The following KCNH1 variants were observed in gnomAD, a reference collection of about 807,000 sequenced individuals.
The protein encoded by KCNH1 is voltage-gated delayed rectifier potassium channel KCNH1.
A neutral mutation model predicts 69.2 loss-of-function variants in KCNH1; 27 were observed. The ratio of observed to expected loss-of-function variants is 0.39; its 90% confidence interval spans 0.29 to 0.54. KCNH1 has a LOEUF of 0.54. Ranked by LOEUF, KCNH1 falls within the 20% of genes least tolerant of loss-of-function variation. The pLI is 0.68. For missense variants in KCNH1, 798 were observed against 1,261.6 expected (o/e 0.63, Z 5.57); for synonymous variants, 456 against 487.7 (o/e 0.93, Z 0.86).
At chr1:210,974,698 G>T (rs1368420481) in intron 6 of KCNH1, among the ~76,000 whole-genome samples, 5 of 151,636 alleles carry the variant, frequency 3.3e-5, no homozygotes, top group Admixed American at 6.6e-5. Context: ...CAAGTAGCTG[G>T]GACTACAGGT....
intron 1 of KCNH1, among the ~76,000 whole-genome samples, chr1:211,113,599 G>T (rs1691510866): frequency 6.6e-6 from 1 of 152,252 alleles, no homozygotes; most frequent in Non-Finnish European, 1.5e-5. Flanking sequence ...TTTGTGCCTG[G>T]CTCCCCATTT....
chr1:210,800,311 T>C (rs1684403413), intron 8 of KCNH1, among the ~76,000 whole-genome samples: 2 of 152,214 alleles, frequency 1.3e-5, no homozygotes, highest in Non-Finnish European at 2.9e-5. Flanking sequence ...TCCTCTGCTC[T>C]CCAAGCAGAT....
chr1:210,689,710 C>CCAGT (rs1300076301), intron 10 of KCNH1, among the ~76,000 whole-genome samples: 1 of 152,228 alleles, frequency 6.6e-6, no homozygotes, highest in Non-Finnish European at 1.5e-5. Flanking sequence ...CTGCCACTGA[C>CCAGT]CAGTCACTGT....
chr1:210,866,994 G>A (rs1468723743), intron 7 of KCNH1, among the ~76,000 whole-genome samples: 1 of 152,012 alleles, frequency 6.6e-6, no homozygotes, highest in Non-Finnish European at 1.5e-5. Flanking sequence ...GTTATTCCAA[G>A]TGAAATAAGC....
At chr1:210,977,855 A>T (rs1688642897) in intron 6 of KCNH1, among the ~76,000 whole-genome samples, 1 of 152,166 alleles carries the variant, frequency 6.6e-6, no homozygotes, top group Non-Finnish European at 1.5e-5. Context: ...ATGTGTAATG[A>T]TCAAATCAGG....
At chr1:210,929,125 T>A (rs1353601565) in intron 6 of KCNH1, among the ~76,000 whole-genome samples, 1 of 152,194 alleles carries the variant, frequency 6.6e-6, no homozygotes, top group East Asian at 1.9e-4. Flanking sequence ...ATCAATCTAC[T>A]GACACCATTC....
chr1:210,861,817 G>A (rs998671355), intron 7 of KCNH1: 1 of 761,168 alleles, frequency 1.3e-6, no homozygotes, highest in Non-Finnish European at 2.4e-6. Context: ...ATACTCATAA[G>A]TTTTCACAAG....
chr1:210,886,913 A>G (rs1686622188), intron 7 of KCNH1, among the ~76,000 whole-genome samples: 1 of 152,142 alleles, frequency 6.6e-6, no homozygotes, highest in South Asian at 2.1e-4. Flanking sequence ...GACAAAACCT[A>G]TGTTTGATTG....
At chr1:211,091,447 C>T (rs1409879940) in intron 3 of KCNH1, among the ~76,000 whole-genome samples, 1 of 152,140 alleles carries the variant, frequency 6.6e-6, no homozygotes, top group South Asian at 2.1e-4. Context: ...GGATTACAGG[C>T]ATAAGCCACT....
intron 6 of KCNH1, among the ~76,000 whole-genome samples, chr1:210,922,383 C>CAAAAAAAAAAA (rs758026291): frequency 1.5e-4 from 15 of 98,312 alleles, no homozygotes; most frequent in Non-Finnish European, 1.9e-4. Flanking sequence ...GACTCCGTCT[C>CAAAAAAAAAAA]AAAAAAAAAA....
intron 5 of KCNH1, among the ~76,000 whole-genome samples, chr1:211,051,249 C>T (rs961389342): frequency 4.6e-5 from 7 of 152,110 alleles, no homozygotes; most frequent in African/African-American, 1.7e-4. Flanking sequence ...CTGCCCACCT[C>T]GGCCTCCCAA....
intron 9 of KCNH1, among the ~76,000 whole-genome samples, chr1:210,796,880 A>T (rs181717250): frequency 1.3e-5 from 2 of 152,064 alleles, no homozygotes; most frequent in Admixed American, 1.3e-4. Context: ...TACAAATCTC[A>T]TCATGCCTCT....
At chr1:210,947,298 G>A (rs1344314389) in intron 6 of KCNH1, among the ~76,000 whole-genome samples, 2 of 152,102 alleles carry the variant, frequency 1.3e-5, no homozygotes, top group Non-Finnish European at 2.9e-5. Flanking sequence ...GGCCAGGCGC[G>A]GTGGCTCATG....
intron 10 of KCNH1, among the ~76,000 whole-genome samples, chr1:210,716,434 A>G (rs1412213036): frequency 6.7e-6 from 1 of 149,722 alleles, no homozygotes; most frequent in South Asian, 2.1e-4. Flanking sequence ...TCCGTCTCAA[A>G]AAAAAAAAAA....
intron 7 of KCNH1, among the ~76,000 whole-genome samples, chr1:210,846,775 C>T (rs1226890732): frequency 6.6e-6 from 1 of 151,814 alleles, no homozygotes; most frequent in Non-Finnish European, 1.5e-5. Flanking sequence ...AAAGAAACTA[C>T]CATCAGAGTG....
Position 211,090,962 on chromosome 1 carries a change from G to A in KCNH1, c.311-272C>T, listed in dbSNP as rs558195824. On this transcript the variant is annotated intron_variant, in intron 3 of 10. Transcript: ENST00000271751. ...GTAAAGTGGTTAGGAAATAGGTTGA[G>A]AACCCCACCAGATGTTATGGAAGAA... 3.0e-4 allele frequency among the ~76,000 whole-genome samples: 45 copies of A among 152,252 alleles called. No homozygotes were observed. The South Asian group carries it at 8.9e-3, about 30-fold the overall frequency.
chr1:210,784,218 T>G (rs1396607288), intron 9 of KCNH1, among the ~76,000 whole-genome samples: 1 of 152,224 alleles, frequency 6.6e-6, no homozygotes, highest in Non-Finnish European at 1.5e-5. Context: ...CTCTCTCACA[T>G]GGGAGAAGAG....
chr1:210,829,961 T>G (rs550043739), intron 7 of KCNH1, among the ~76,000 whole-genome samples: 1 of 152,332 alleles, frequency 6.6e-6, no homozygotes, highest in Non-Finnish European at 1.5e-5. Flanking sequence ...ATGTGTCTTA[T>G]CTTCTGATTC....
intron 1 of KCNH1, among the ~76,000 whole-genome samples, chr1:211,111,362 G>C (rs890923052): frequency 6.8e-6 from 1 of 146,944 alleles, no homozygotes; most frequent in African/African-American, 2.5e-5. Flanking sequence ...TCTGGGAAGT[G>C]AGGAGCACCT....
Sources: gnomAD v4.1 joint callset for allele counts (sites outside exome capture counted in the v4.1 genomes callset) on GRCh38, gnomAD v4.1.1 for gene constraint, MANE v1.5 for transcripts, NCBI Gene and HGNC (gene_info 2026-07-23, HGNC 2026-07-21) for gene names.